The following PCSK6 variants were observed in gnomAD, a reference collection of about 807,000 sequenced individuals.
The protein encoded by PCSK6 is proprotein convertase subtilisin/kexin type 6, also known as paired basic amino acid cleaving enzyme 4.
Under a neutral mutation model 123.3 loss-of-function variants are expected in PCSK6, and 85 were observed. The observed-to-expected ratio is 0.69, with a 90% CI of 0.58 to 0.83. The LOEUF (loss-of-function observed/expected upper bound fraction) is 0.83, where lower values mean the gene tolerates loss of function less well. Ranked by LOEUF, PCSK6 falls within the 40% of genes least tolerant of loss-of-function variation. PCSK6 has a pLI of 0.00. For missense variants in PCSK6, 1,191 were observed against 1,282.3 expected, an observed-to-expected ratio of 0.93 and a Z score of 1.09; for synonymous variants, 508 against 516.0, an observed-to-expected ratio of 0.98 and a Z score of 0.21.
In PCSK6 at chr15:101,370,385, C is replaced by G. The variant is rs562506205; in HGVS notation, c.1671G>C (p.Gln557His). 6.4e-7 allele frequency: 1 copy of G among 1,554,852 alleles called. No homozygotes were observed. The highest frequency in any genetic ancestry group is 1.2e-5 in the South Asian group (1 of 84,094). Reference sequence around the variant, plus strand: ...TTCCCGAGGGAGAAACCAGGTAGATCTGGAGGTCTCCTCGGCGTGGGTGTG... The same window carrying G: ...TTCCCGAGGGAGAAACCAGGTAGATGTGGAGGTCTCCTCGGCGTGGGTGTG... ...SISHPRRGDL[Q>H]IYLVSPSGTK... Residue 557 changes from glutamine to histidine, a missense_variant, in exon 12 of 22, where the codon CAG becomes CAC. Physicochemically the swap from Gln to His is conservative, Grantham distance 24. Around this residue, in one of 3 missense-constraint regions of PCSK6, gnomAD observed 630 missense variants for 631.4 expected, o/e 1.00. Coordinates refer to ENST00000611716, the MANE Select transcript of PCSK6 (RefSeq NM_002570.5).
At chr15:101,351,193 T>A (rs1465279626) in intron 13 of PCSK6, among the ~76,000 whole-genome samples, 1 of 152,210 alleles carries the variant, frequency 6.6e-6, no homozygotes, top group Non-Finnish European at 1.5e-5. Context: ...TATTCCCATA[T>A]GGAAATCGAC....
At chr15:101,414,038 C>T (rs1011906638) in intron 6 of PCSK6, among the ~76,000 whole-genome samples, 4 of 152,104 alleles carry the variant, frequency 2.6e-5, no homozygotes, top group African/African-American at 9.7e-5. Flanking sequence ...GTAGAAGTAG[C>T]TATATTAATA....
rs533396382 is a variant in PCSK6, at chr15:101,385,965, T to C, written c.1311-1540A>G. Among the ~76,000 whole-genome samples the C allele has an allele frequency of 3.3e-5, 5 of 152,260 alleles. No homozygotes were observed. The South Asian group carries it at 8.3e-4, about 25-fold the overall frequency. ...ATTCAATCAGAAAATTAACCAAGAA[T>C]AAACGAACATCTCTCGAGTCCAAGA... On this transcript the variant is annotated intron_variant, in intron 9 of 21. Transcript: ENST00000611716.
chr15:101,370,427 C>A lies in PCSK6; in HGVS notation c.1629G>T (p.Val543=). The change falls in exon 12 of 22, where the codon GTG becomes GTT. Residue 543 remains valine, a synonymous_variant. Coordinates refer to ENST00000611716, the MANE Select transcript of PCSK6 (RefSeq NM_002570.5). ...GTGGGTGTGAGATGGAGGTGCGAAC[C>A]ACCACGTGCTCCAAGTAGACCACCC... ...DQRVVYLEHV[V]VRTSISHPRR... The A allele has an allele frequency of 1.9e-6, 3 of 1,552,240 alleles. No homozygotes were observed. The highest frequency in any genetic ancestry group is 2.6e-6 in the Non-Finnish European group (3 of 1,147,332).
At chr15:101,446,425 G>T (rs6598475) in intron 1 of PCSK6, among the ~76,000 whole-genome samples, 95,065 of 152,176 alleles carry the variant, frequency 0.62, 30,009 homozygotes, top group Non-Finnish European at 0.66. Context: ...TACTCCCACT[G>T]CTTGGCTGCT....
intron 6 of PCSK6, among the ~76,000 whole-genome samples, chr15:101,422,093 C>G (rs1327673723): frequency 6.6e-6 from 1 of 152,198 alleles, no homozygotes; most frequent in Non-Finnish European, 1.5e-5. Flanking sequence ...GACTTTTCCT[C>G]TTGAGGGAAC....
chr15:101,464,724 A>G (rs2057416672), intron 1 of PCSK6, among the ~76,000 whole-genome samples: 1 of 152,174 alleles, frequency 6.6e-6, no homozygotes. Context: ...CACCTGGCCT[A>G]TACTCCCTGG....
intron 2 of PCSK6, among the ~76,000 whole-genome samples, chr15:101,439,303 A>C (rs1309798014): frequency 6.6e-6 from 1 of 152,262 alleles, no homozygotes; most frequent in Non-Finnish European, 1.5e-5. Context: ...ATTGTCTTTG[A>C]GATATCTAAG....
At chr15:101,366,998 G>C (rs1319414061) in intron 12 of PCSK6, among the ~76,000 whole-genome samples, 1 of 152,192 alleles carries the variant, frequency 6.6e-6, no homozygotes, top group Non-Finnish European at 1.5e-5. Flanking sequence ...AGATGACAAT[G>C]GCAGGGTTGG....
chr15:101,309,921 C>T (rs2039814721), intron 20 of PCSK6, among the ~76,000 whole-genome samples: 2 of 152,114 alleles, frequency 1.3e-5, no homozygotes, highest in South Asian at 4.1e-4. Context: ...GCATTGTTCT[C>T]AGCGTCGGGC....
Position 101,398,524 on chromosome 15 carries a change from C to T in PCSK6, c.876G>A (p.Leu292=), listed in dbSNP as rs765327533. The T allele has an allele frequency of 7.3e-5, 117 of 1,613,738 alleles. No homozygotes were observed. The highest frequency in any genetic ancestry group is 9.5e-5 in the Non-Finnish European group (112 of 1,179,816). ...TGTCGATGTAGTTGGGTCTGATGCCCAGCGACTTTGCCTCGACCACATCTG... is the reference window on the plus strand; with the variant it reads ...TGTCGATGTAGTTGGGTCTGATGCCTAGCGACTTTGCCTCGACCACATCTG... ...DVTDVVEAKS[L]GIRPNYIDIY... Residue 292 remains leucine, a synonymous_variant, in exon 7 of 22, where the codon CTG becomes CTA. Transcript: ENST00000611716. The surrounding 1 kb of genome is among the most constrained non-coding windows in gnomAD (Gnocchi z 4.6).
intron 13 of PCSK6, chr15:101,365,076 T>C (rs1213485630): frequency 2.7e-6 from 2 of 751,862 alleles, no homozygotes; most frequent in Non-Finnish European, 5.1e-6. Context: ...TTTCAGCAAG[T>C]GGTGCTGGAA....
intron 11 of PCSK6, among the ~76,000 whole-genome samples, chr15:101,372,423 T>C (rs2041613482): frequency 6.6e-6 from 1 of 152,206 alleles, no homozygotes; most frequent in Non-Finnish European, 1.5e-5. Flanking sequence ...GGAGACTCTG[T>C]AAGTATTTGA....
At chr15:101,467,924 C>G (rs534092299) in intron 1 of PCSK6, among the ~76,000 whole-genome samples, 1 of 152,146 alleles carries the variant, frequency 6.6e-6, no homozygotes, top group Admixed American at 6.5e-5. Flanking sequence ...GCAAGGAACG[C>G]GTAGGTAATA....
At chr15:101,448,520 T>C (rs1029125782) in intron 1 of PCSK6, among the ~76,000 whole-genome samples, 5 of 152,250 alleles carry the variant, frequency 3.3e-5, no homozygotes, top group Non-Finnish European at 5.9e-5. Context: ...CGAGTGCCCC[T>C]GGCTCATTAC....
At chr15:101,400,628 G>GT (rs1402043230) in intron 6 of PCSK6, among the ~76,000 whole-genome samples, 2 of 152,232 alleles carry the variant, frequency 1.3e-5, no homozygotes, top group Non-Finnish European at 1.5e-5. Context: ...AACATTTTAC[G>GT]TGAGTAGAAT....
chr15:101,408,489 G>A (rs2042844633), intron 6 of PCSK6, among the ~76,000 whole-genome samples: 1 of 152,238 alleles, frequency 6.6e-6, no homozygotes, highest in African/African-American at 2.4e-5. Flanking sequence ...GAGACACAGG[G>A]CAGAAGGGGC....
chr15:101,446,076 G>A (rs1228290298), intron 1 of PCSK6, among the ~76,000 whole-genome samples: 2 of 152,236 alleles, frequency 1.3e-5, no homozygotes, highest in African/African-American at 4.8e-5. Context: ...TGCTGACCAG[G>A]CCAACCACCT....
rs554750058 is a variant in PCSK6, at chr15:101,478,975, C to T, written c.297+10399G>A. Among the ~76,000 whole-genome samples, 6 of 152,284 alleles carry T rather than the reference C, an allele frequency of 3.9e-5. No homozygotes were observed. In the South Asian group the frequency reaches 1.2e-3, roughly 32 times the overall value. On this transcript the variant is annotated intron_variant, in intron 1 of 21. Transcript: ENST00000611716. The stretch of plus-strand genomic sequence containing the variant: ...TGAATGGAATCAGGACATCACAGGT[C>T]CTGATATAAAAAATTCTAACAATTT...
Sources: gnomAD v4.1 joint callset for allele counts (sites outside exome capture counted in the v4.1 genomes callset) on GRCh38, gnomAD v4.1.1 for gene constraint, gnomAD v4.1.1 regional missense constraint, Gnocchi (gnomAD v3.1) non-coding constraint, MANE v1.5 for transcripts, NCBI Gene and HGNC (gene_info 2026-07-23, HGNC 2026-07-21) for gene names.